PHTF2: variants seen among roughly 807,000 people sequenced by gnomAD.
PHTF2 encodes the protein putative homeodomain transcription factor 2.
PHTF2 carries 60 observed loss-of-function variants against 101.2 expected under a neutral mutation model. That is an observed-to-expected ratio of 0.59 (90% CI 0.48 to 0.73). The LOEUF (loss-of-function observed/expected upper bound fraction) is 0.73. PHTF2 is among the 30% of genes least tolerant of loss of function. PHTF2 has a pLI of 0.00. For synonymous variants in PHTF2, 311 were observed against 307.3 expected, an observed-to-expected ratio of 1.01 and a Z score of -0.13; for missense variants, 747 against 908.7, an observed-to-expected ratio of 0.82 and a Z score of 2.29.
chr7:77,875,049 G>A (rs952061776), intron 3 of PHTF2, among the ~76,000 whole-genome samples: 11 of 152,130 alleles, frequency 7.2e-5, no homozygotes, highest in African/African-American at 2.7e-4. Flanking sequence ...GAAATCAGGT[G>A]GTGTGCTGCC....
At chr7:77,803,707 G>GTC (rs1034360919) in intron 1 of PHTF2, among the ~76,000 whole-genome samples, 3 of 151,896 alleles carry the variant, frequency 2.0e-5, no homozygotes, top group African/African-American at 7.3e-5. Context: ...GTGTGTGTGT[G>GTC]TGTGTGTGTG....
At chr7:77,873,333 G>C (rs955615400) in intron 3 of PHTF2, among the ~76,000 whole-genome samples, 6 of 152,080 alleles carry the variant, frequency 3.9e-5, no homozygotes, top group African/African-American at 1.4e-4. Context: ...TCCTTCCGCC[G>C]TTATCCCACA....
intron 1 of PHTF2, among the ~76,000 whole-genome samples, chr7:77,831,791 C>G (rs908547358): frequency 6.6e-6 from 1 of 151,868 alleles, no homozygotes; most frequent in Non-Finnish European, 1.5e-5. Flanking sequence ...AGTCTACGCA[C>G]TGTGTCATCC....
At chr7:77,865,646 A>C (rs1012457754) in intron 3 of PHTF2, among the ~76,000 whole-genome samples, 1 of 152,322 alleles carries the variant, frequency 6.6e-6, no homozygotes. Context: ...TGAGAGTAAG[A>C]ATCATTATCT....
At chr7:77,886,917 G>A (rs1235811093) in intron 3 of PHTF2, among the ~76,000 whole-genome samples, 1 of 151,910 alleles carries the variant, frequency 6.6e-6, no homozygotes, top group South Asian at 2.1e-4. Context: ...AGGTGGGGGT[G>A]CACCTGTGGT....
At chr7:77,869,795 T>A (rs1798372600) in intron 3 of PHTF2, among the ~76,000 whole-genome samples, 2 of 152,164 alleles carry the variant, frequency 1.3e-5, no homozygotes, top group Admixed American at 6.6e-5. Context: ...TTTTGATTTG[T>A]ATTTCCCCGA....
chr7:77,822,840 G>A (rs1794398884), intron 1 of PHTF2, among the ~76,000 whole-genome samples: 1 of 151,994 alleles, frequency 6.6e-6, no homozygotes, highest in Non-Finnish European at 1.5e-5. Flanking sequence ...GGGGGGATGA[G>A]TGCTGGGTGT....
intron 2 of PHTF2, among the ~76,000 whole-genome samples, chr7:77,850,786 C>T (rs935866000): frequency 2.6e-5 from 4 of 151,996 alleles, no homozygotes; most frequent in African/African-American, 4.8e-5. Context: ...AGTTTGATAC[C>T]AGCAATGCAT....
chr7:77,934,677 A>C (rs1804921033), intron 12 of PHTF2, among the ~76,000 whole-genome samples: 1 of 152,232 alleles, frequency 6.6e-6, no homozygotes, highest in African/African-American at 2.4e-5. Flanking sequence ...GCGGCCGGGC[A>C]TGGTGGCTCA....
intron 12 of PHTF2, among the ~76,000 whole-genome samples, chr7:77,935,942 A>C (rs934737475): frequency 6.6e-6 from 1 of 152,218 alleles, no homozygotes; most frequent in Non-Finnish European, 1.5e-5. Flanking sequence ...GGTACAGATT[A>C]TTTCTTTCCC....
intron 1 of PHTF2, among the ~76,000 whole-genome samples, chr7:77,823,299 C>A (rs1254649503): frequency 6.6e-6 from 1 of 152,072 alleles, no homozygotes; most frequent in African/African-American, 2.4e-5. Flanking sequence ...TGGCTCTCTG[C>A]AACCTCTGCC....
At chr7:77,824,227 A>G (rs117366776) in intron 1 of PHTF2, among the ~76,000 whole-genome samples, 3,350 of 151,764 alleles carry the variant, frequency 0.022, 52 homozygotes, top group Middle Eastern at 0.065. Context: ...AGTAAAAGAT[A>G]AGATTTGAGG....
chr7:77,877,804 T>C (rs774574141), intron 3 of PHTF2, among the ~76,000 whole-genome samples: 2 of 152,176 alleles, frequency 1.3e-5, no homozygotes, highest in Non-Finnish European at 2.9e-5. Flanking sequence ...TTCTGGAAAC[T>C]TCTCTCTTAG....
intron 5 of PHTF2, among the ~76,000 whole-genome samples, chr7:77,897,999 T>C (rs1292964551): frequency 6.6e-6 from 1 of 151,776 alleles, no homozygotes; most frequent in Non-Finnish European, 1.5e-5. Context: ...TTTTTTTTTT[T>C]TCTTTTTAAA....
chr7:77,917,017 T>C (rs1332530902), intron 9 of PHTF2, among the ~76,000 whole-genome samples: 1 of 152,224 alleles, frequency 6.6e-6, no homozygotes, highest in Non-Finnish European at 1.5e-5. Context: ...TAATTATTGT[T>C]ATGATTCCCA....
In PHTF2 at chr7:77,922,778, GGTATATACTTTGTCCTTAAGT is replaced by G; in HGVS notation, c.1119+6_1119+26del. ...ATTATAAGAAACATTACCCTAATGA[GGTATATACTTTGTCCTTAAGT>G]GTATACATACGTATCTATTTTATAT... On this transcript the variant is annotated splice_donor_variant and splice_donor_5th_base_variant and intron_variant, in intron 11 of 19. Transcript: ENST00000416283. LOFTEE classifies it high-confidence loss of function. The G allele has an allele frequency of 6.3e-7, 1 of 1,577,534 alleles. No individual in the cohort carries two copies. The highest frequency in any genetic ancestry group is 8.7e-7 in the Non-Finnish European group (1 of 1,155,826).
Position 77,894,007 on chromosome 7 carries a change from G to T in PHTF2, c.216+14G>T. The T allele has an allele frequency of 6.3e-7, 1 of 1,593,612 alleles. No individual in the cohort carries two copies. ...TTTATTAAACTGGTAAGTGTTTCAG[G>T]ATTTTTCCCGCCTGAGTGATCCTGT... On this transcript the variant is annotated intron_variant, in intron 5 of 19. Transcript: ENST00000416283.
intron 2 of PHTF2, among the ~76,000 whole-genome samples, chr7:77,852,855 A>G (rs773385682): frequency 1.3e-5 from 2 of 152,204 alleles, no homozygotes; most frequent in African/African-American, 2.4e-5. Context: ...TGGATATACT[A>G]TTAAAGGATA....
chr7:77,857,756 C>A (rs965686216), intron 3 of PHTF2, among the ~76,000 whole-genome samples: 3 of 152,204 alleles, frequency 2.0e-5, no homozygotes, highest in African/African-American at 7.2e-5. Flanking sequence ...GTCTGTATAA[C>A]TTTGGATAAG....
Sources: allele counts gnomAD v4.1 joint callset (sites outside exome capture counted in the v4.1 genomes callset), GRCh38; gene constraint gnomAD v4.1.1; transcripts MANE v1.5; gene names NCBI Gene and HGNC (gene_info 2026-07-23, HGNC 2026-07-21).